Variants in KANSL1 observed in about 807,000 individuals in gnomAD.
KANSL1 encodes KAT8 regulatory NSL complex subunit 1.
KANSL1 carries 22 observed loss-of-function variants against 103.6 expected under a neutral mutation model. The observed-to-expected ratio is 0.21, with a 90% CI of 0.15 to 0.30. The LOEUF (loss-of-function observed/expected upper bound fraction) is 0.30, where lower values mean the gene tolerates loss of function less well. Ranked by LOEUF, KANSL1 falls within the 10% of genes least tolerant of loss-of-function variation. KANSL1 has a pLI of 1.00. For missense variants in KANSL1, 1,337 were observed against 1,399.8 expected, an observed-to-expected ratio of 0.96 and a Z score of 0.72; for synonymous variants, 600 against 527.6, an observed-to-expected ratio of 1.14 and a Z score of -1.88.
At position 46,080,336 on chromosome 17, in the gene KANSL1, AG is replaced by A. The variant is rs1241257351; in HGVS notation, c.1533+2104del. Among the ~76,000 whole-genome samples the A allele has an allele frequency of 4.9e-5, 7 of 144,210 alleles. 1 individual carries two copies. The highest frequency in any genetic ancestry group is 7.1e-3 in the Middle Eastern group (2 of 282). The allele number at this position is 144,210 out of a possible 152,430, so 94.6% of individuals were successfully genotyped here. A position where few individuals can be genotyped will look rare whatever the true frequency, so the allele number is the denominator to read the frequency against. ...TTAAAAAAAAAAAAAAAAAAAAAAAAGGAATAAATACACCTACCTCCATTTG... is the reference window on the plus strand; with the variant it reads ...TTAAAAAAAAAAAAAAAAAAAAAAAAGAATAAATACACCTACCTCCATTTG... On this transcript the variant is annotated intron_variant, in intron 4 of 14. Coordinates refer to ENST00000432791, the MANE Select transcript of KANSL1 (RefSeq NM_015443.4).
At chr17:46,208,616 CAA>C (rs149187563) in intron 1 of KANSL1, among the ~76,000 whole-genome samples, 19,475 of 81,278 alleles carry the variant, frequency 0.24, 1,493 homozygotes, top group Middle Eastern at 0.32. Flanking sequence ...GACCCTGTCT[CAA>C]AAAAAAAAAA....
intron 6 of KANSL1, among the ~76,000 whole-genome samples, chr17:46,057,403 A>C (rs1025330684): frequency 6.6e-6 from 1 of 152,204 alleles, no homozygotes; most frequent in Non-Finnish European, 1.5e-5. Context: ...CCTCAGGGTA[A>C]ACAAATAGTT....
intron 1 of KANSL1, among the ~76,000 whole-genome samples, chr17:46,179,722 TAAG>T (rs1277166427): frequency 6.6e-6 from 1 of 152,182 alleles, no homozygotes; most frequent in Non-Finnish European, 1.5e-5. Flanking sequence ...GGAAATGGCA[TAAG>T]AAAAGGCAAC....
intron 1 of KANSL1, among the ~76,000 whole-genome samples, chr17:46,176,453 G>A (rs1357955133): frequency 6.6e-6 from 1 of 152,232 alleles, no homozygotes; most frequent in Non-Finnish European, 1.5e-5. Context: ...CATTTTGGGA[G>A]GCCGAGGCAG....
At chr17:46,043,777 C>G (rs895565290) in intron 7 of KANSL1, 1 of 152,180 alleles carries the variant, frequency 6.6e-6, no homozygotes, top group African/African-American at 2.4e-5. Context: ...CTCTTAAGTG[C>G]AAGTTGGCAC....
At chr17:46,177,901 C>G (rs2046601905) in intron 1 of KANSL1, among the ~76,000 whole-genome samples, 1 of 152,142 alleles carries the variant, frequency 6.6e-6, no homozygotes, top group Admixed American at 6.5e-5. Flanking sequence ...CCTCAGCCTC[C>G]CCAGTAGCTG....
chr17:46,173,712 A>G (rs1421121018), intron 1 of KANSL1, among the ~76,000 whole-genome samples: 1 of 152,274 alleles, frequency 6.6e-6, no homozygotes, highest in East Asian at 1.9e-4. Flanking sequence ...AAGAGGCACC[A>G]AACTATACTA....
intron 2 of KANSL1, among the ~76,000 whole-genome samples, chr17:46,147,424 A>G (rs780474332): frequency 1.2e-4 from 19 of 152,104 alleles, no homozygotes; most frequent in Non-Finnish European, 1.6e-4. Context: ...AAATACAAAA[A>G]TTAGCCAGAT....
chr17:46,196,563 T>A (rs892978514), upstream of KANSL1: 8 of 391,940 alleles, frequency 2.0e-5, no homozygotes, highest in African/African-American at 6.3e-5. Context: ...AGAGAGTTGG[T>A]CCTTGGTGAT....
intron 2 of KANSL1, among the ~76,000 whole-genome samples, chr17:46,166,317 G>A (rs983274308): frequency 3.3e-5 from 5 of 151,972 alleles, no homozygotes; most frequent in Non-Finnish European, 7.3e-5. Context: ...TTCGAGACCA[G>A]CCTGAGCAAC....
intron 2 of KANSL1, among the ~76,000 whole-genome samples, chr17:46,101,754 C>CAAAAAAAAAAAAAAAAAAAAAAAA (rs372439614): frequency 1.1e-5 from 1 of 93,684 alleles, no homozygotes; most frequent in Non-Finnish European, 1.8e-5. Context: ...ACTCTGTCTA[C>CAAAAAAAAAAAAAAAAAAAAAAAA]AAAAAAAAAA....
At chr17:46,143,254 G>A (rs1222293315) in intron 2 of KANSL1, among the ~76,000 whole-genome samples, 2 of 152,210 alleles carry the variant, frequency 1.3e-5, no homozygotes, top group Non-Finnish European at 2.9e-5. Context: ...TCTTCTTTGG[G>A]AGGCCGAGGC....
At chr17:46,084,289 G>A (rs2079082996) in intron 3 of KANSL1, among the ~76,000 whole-genome samples, 1 of 152,138 alleles carries the variant, frequency 6.6e-6, no homozygotes, top group African/African-American at 2.4e-5. Flanking sequence ...GGCTGAAGAA[G>A]GAGAATCGCT....
Position 46,033,170 on chromosome 17 carries a change from G to C in KANSL1, c.2747C>G (p.Ala916Gly), listed in dbSNP as rs559357311. ...ACATTTGGCATGCAGGGCGGCGAAG[G>C]CTGCGTCGGATAGGTCCTCAATCTG... ...NEEIEDLSDA[A>G]FAALHAKCEE... Residue 916 changes from alanine (A) to glycine (G), a missense_variant, in exon 13 of 15, where the codon GCC (alanine) becomes GGC (glycine). Ala to Gly is a moderately conservative substitution (Grantham distance 60). This residue lies in a region of KANSL1 where 780 missense variants were observed against 923.4 expected (regional missense o/e 0.84). Transcript: ENST00000432791. 5.0e-6 allele frequency: 8 copies of C among 1,603,084 alleles called. No individual in the cohort carries two copies. Among genetic ancestry groups the C allele is most frequent in the East Asian group, 2.2e-5 (1 of 44,530 alleles).
chr17:46,147,443 A>G (rs1181984462), intron 2 of KANSL1, among the ~76,000 whole-genome samples: 1 of 152,048 alleles, frequency 6.6e-6, no homozygotes, highest in Non-Finnish European at 1.5e-5. Flanking sequence ...ATGTGGTAGC[A>G]TGCGCCTGTA....
chr17:46,153,715 CCATTA>C (rs1208430377), intron 2 of KANSL1, among the ~76,000 whole-genome samples: 20 of 152,148 alleles, frequency 1.3e-4, no homozygotes, highest in Non-Finnish European at 2.4e-4. Flanking sequence ...TCCCCTCATT[CCATTA>C]CATTTGAAGA....
At chr17:46,083,259 T>G (rs1255887074) in intron 3 of KANSL1, among the ~76,000 whole-genome samples, 1 of 151,900 alleles carries the variant, frequency 6.6e-6, no homozygotes, top group Non-Finnish European at 1.5e-5. Context: ...AAAAACAAAA[T>G]ACTACATATG....
At chr17:46,209,863 G>A (rs533163125) in intron 1 of KANSL1, among the ~76,000 whole-genome samples, 1 of 152,282 alleles carries the variant, frequency 6.6e-6, no homozygotes, top group South Asian at 2.1e-4. Context: ...TTAGCTGACG[G>A]TCATATGAGT....
intron 2 of KANSL1, among the ~76,000 whole-genome samples, chr17:46,160,618 A>G (rs1423171450): frequency 2.6e-5 from 4 of 152,196 alleles, no homozygotes; most frequent in Admixed American, 6.5e-5. Context: ...CTACTCCACA[A>G]AAGAAAATGA....
Sources: allele counts gnomAD v4.1 joint callset (sites outside exome capture counted in the v4.1 genomes callset), GRCh38; gene constraint gnomAD v4.1.1; regional missense constraint gnomAD v4.1.1; transcripts MANE v1.5; gene names NCBI Gene and HGNC (gene_info 2026-07-23, HGNC 2026-07-21).